PTPRG: variants seen among roughly 807,000 people sequenced by gnomAD.
The protein encoded by PTPRG is protein tyrosine phosphatase receptor type G.
A neutral mutation model predicts 165.3 loss-of-function variants in PTPRG; 102 were observed. The observed-to-expected ratio is 0.62, with a 90% CI of 0.53 to 0.73. PTPRG has a LOEUF of 0.73. Ranked by LOEUF, PTPRG falls within the 30% of genes least tolerant of loss-of-function variation. The pLI is 0.00. For synonymous variants in PTPRG, 675 were observed against 669.5 expected (o/e 1.01, Z -0.13); for missense variants, 1,866 against 1,861.4 (o/e 1.00, Z -0.05).
At chr3:61,959,381 A>G (rs756863824) in intron 2 of PTPRG, among the ~76,000 whole-genome samples, 17 of 152,062 alleles carry the variant, frequency 1.1e-4, no homozygotes, top group East Asian at 1.9e-4. Context: ...GTGGAAGACA[A>G]TTTTTCCATG....
Position 62,172,065 on chromosome 3 carries a change from G to T in PTPRG, c.1033+3902G>T, listed in dbSNP as rs563906390. Among the ~76,000 whole-genome samples the T allele has an allele frequency of 2.0e-5, 3 of 152,296 alleles. No homozygotes were observed. In the South Asian group the frequency reaches 6.2e-4, roughly 32 times the overall value. ...AAAGTTCATCTGTATTGGGGGCTGT[G>T]TATCAGAATTTAATTATATTTTGTG... On this transcript the variant is annotated intron_variant, in intron 8 of 29. Coordinates refer to ENST00000474889, the MANE Select transcript of PTPRG (RefSeq NM_002841.4).
At position 62,132,610 on chromosome 3, in the gene PTPRG, G is replaced by A. The variant is rs533835628; in HGVS notation, c.624G>A (p.Pro208=). ...GAMAIFFQVS[P]RDNSALDPII... ...GTTTCCTTTACATTTAGGTCAGTCC[G>A]AGGGACAATTCTGCACTGGATCCTA... The change falls in exon 6 of 30, where the codon CCG becomes CCA. Residue 208 remains proline, a synonymous_variant. Coordinates refer to ENST00000474889, the MANE Select transcript of PTPRG (RefSeq NM_002841.4). 8 of 1,610,196 alleles carry A rather than the reference G, an allele frequency of 5.0e-6. 1 individual carries two copies. Among genetic ancestry groups the A allele is most frequent in the East Asian group, 2.2e-5 (1 of 44,850 alleles).
At chr3:62,001,461 T>C (rs925810674) in intron 3 of PTPRG, among the ~76,000 whole-genome samples, 10 of 152,176 alleles carry the variant, frequency 6.6e-5, no homozygotes, top group South Asian at 2.1e-4. Context: ...CAAAATGTTA[T>C]GTATGGAACT....
chr3:62,293,143 C>T lies in PTPRG; in HGVS notation c.4192-18C>T. 1.3e-6 allele frequency: 2 copies of T among 1,548,128 alleles called. No individual in the cohort carries two copies. Among genetic ancestry groups the T allele is most frequent in the African/African-American group, 1.4e-5 (1 of 72,542 alleles). The stretch of plus-strand genomic sequence containing the variant: ...TAAACTGTTCTTTGGCTCAAACTGT[C>T]TTCCTCTTGTTTTTCAGGAACAATA... On this transcript the variant is annotated intron_variant, in intron 29 of 29. Coordinates refer to ENST00000474889, the MANE Select transcript of PTPRG (RefSeq NM_002841.4).
intron 2 of PTPRG, among the ~76,000 whole-genome samples, chr3:61,897,576 C>T (rs1175104110): frequency 6.6e-6 from 1 of 152,102 alleles, no homozygotes; most frequent in African/African-American, 2.4e-5. Context: ...AGGGCCTGTG[C>T]TATTCTATAG....
At chr3:61,760,290 G>A (rs117131677) in intron 2 of PTPRG, among the ~76,000 whole-genome samples, 1 of 152,104 alleles carries the variant, frequency 6.6e-6, no homozygotes, top group Non-Finnish European at 1.5e-5. Context: ...ATGGCTCATT[G>A]TAAGTGCTGG....
rs1394012773 is a variant in PTPRG at position 62,294,854 on chromosome 3, A to G, written c.*1547A>G. On this transcript the variant is annotated 3_prime_UTR_variant, in exon 30 of 30. Coordinates refer to ENST00000474889, the MANE Select transcript of PTPRG (RefSeq NM_002841.4). ...CAAAAAGGCCACGCTGGCTGCTGTCATGCCATCTGGGTATGCATTAAACAT... is the reference window on the plus strand; with the variant it reads ...CAAAAAGGCCACGCTGGCTGCTGTCGTGCCATCTGGGTATGCATTAAACAT... 6.6e-6 allele frequency: 1 copy of G among 152,122 alleles called. No homozygotes were observed. Among genetic ancestry groups the G allele is most frequent in the African/African-American group, 2.4e-5 (1 of 41,440 alleles). The allele number at this position is 152,122 out of a possible 1,614,324, so 9.4% of individuals were successfully genotyped here.
At chr3:61,819,874 C>G (rs997458226) in intron 2 of PTPRG, among the ~76,000 whole-genome samples, 5 of 152,062 alleles carry the variant, frequency 3.3e-5, no homozygotes, top group Non-Finnish European at 7.4e-5. Flanking sequence ...TTATTTGGAT[C>G]CTGATTGAAG....
chr3:62,291,710 A>G (rs533133088), intron 28 of PTPRG, among the ~76,000 whole-genome samples: 1 of 152,282 alleles, frequency 6.6e-6, no homozygotes, highest in South Asian at 2.1e-4. Flanking sequence ...TGAACAATTC[A>G]TTTAATCCAT....
chr3:61,696,871 C>T (rs1575595398), intron 1 of PTPRG, among the ~76,000 whole-genome samples: 1 of 152,206 alleles, frequency 6.6e-6, no homozygotes, highest in Non-Finnish European at 1.5e-5. Context: ...ATATTGCCTT[C>T]TCCACTGATA....
intron 2 of PTPRG, among the ~76,000 whole-genome samples, chr3:61,909,699 T>A (rs903622221): frequency 6.6e-6 from 1 of 152,148 alleles, no homozygotes; most frequent in South Asian, 2.1e-4. Context: ...ACTGAAGTTT[T>A]AAAATCTGTA....
At chr3:61,622,898 A>G (rs1183922794) in intron 1 of PTPRG, among the ~76,000 whole-genome samples, 1 of 152,162 alleles carries the variant, frequency 6.6e-6, no homozygotes, top group East Asian at 1.9e-4. Context: ...TTTGCACCCT[A>G]AGTACAAAAA....
chr3:61,863,425 G>C (rs2037326289), intron 2 of PTPRG, among the ~76,000 whole-genome samples: 1 of 152,198 alleles, frequency 6.6e-6, no homozygotes, highest in Non-Finnish European at 1.5e-5. Context: ...AAAAAAACTA[G>C]TGGAAATTGA....
chr3:61,716,908 G>T (rs970104074), intron 1 of PTPRG, among the ~76,000 whole-genome samples: 4 of 152,060 alleles, frequency 2.6e-5, no homozygotes, highest in African/African-American at 9.7e-5. Context: ...GGCGGCAGAG[G>T]TTGCAGTGAG....
chr3:62,109,154 C>A (rs940767527), intron 5 of PTPRG, among the ~76,000 whole-genome samples: 2 of 152,154 alleles, frequency 1.3e-5, no homozygotes, highest in East Asian at 3.8e-4. Context: ...CCCAGGTTTT[C>A]TTCTAGGATT....
intron 2 of PTPRG, among the ~76,000 whole-genome samples, chr3:61,798,002 A>G (rs1220351468): frequency 1.3e-5 from 2 of 152,202 alleles, no homozygotes; most frequent in Non-Finnish European, 2.9e-5. Context: ...GCAGAGAGAT[A>G]CTTGAGTCTG....
chr3:61,677,323 C>T (rs930290253), intron 1 of PTPRG, among the ~76,000 whole-genome samples: 1 of 151,888 alleles, frequency 6.6e-6, no homozygotes, highest in Non-Finnish European at 1.5e-5. Context: ...TTATACCTGG[C>T]ACCTACCTTA....
In PTPRG at chr3:61,646,391, C is replaced by A. The variant is rs538959735; in HGVS notation, c.85+84019C>A. ...CCTCCCAAAGTCCTGGGATCAAAGG[C>A]ATGAGCCACCGCTCCTGGCCAGATC... On this transcript the variant is annotated intron_variant, in intron 1 of 29. Coordinates refer to ENST00000474889, the MANE Select transcript of PTPRG (RefSeq NM_002841.4). 2.6e-5 allele frequency among the ~76,000 whole-genome samples: 4 copies of A among 152,330 alleles called. No individual in the cohort carries two copies. In the East Asian group the frequency reaches 7.7e-4, roughly 29 times the overall value.
At chr3:62,284,069 C>A (rs913438305) in intron 28 of PTPRG, among the ~76,000 whole-genome samples, 3 of 152,060 alleles carry the variant, frequency 2.0e-5, no homozygotes, top group Admixed American at 6.6e-5. Context: ...AGGGCATTTT[C>A]TAGAATTCCT....
Sources: allele counts gnomAD v4.1 joint callset (sites outside exome capture counted in the v4.1 genomes callset), GRCh38; gene constraint gnomAD v4.1.1; transcripts MANE v1.5; gene names NCBI Gene and HGNC (gene_info 2026-07-23, HGNC 2026-07-21).